The following ARHGAP8 variants were observed in gnomAD, a reference collection of about 807,000 sequenced individuals.
ARHGAP8 encodes the protein rho GTPase-activating protein 8.
ARHGAP8 carries 62 observed loss-of-function variants against 46.1 expected under a neutral mutation model. That is an observed-to-expected ratio of 1.34 (90% CI 1.10 to 1.66). The LOEUF (loss-of-function observed/expected upper bound fraction) is 1.66. Among genes scored for constraint, ARHGAP8 ranks in the 40% most tolerant of loss-of-function variants. The probability of loss-of-function intolerance (pLI) is 0.00; values close to 1 mark genes in which losing one functional copy is unlikely to be tolerated. For missense variants in ARHGAP8, 923 were observed against 568.4 expected (o/e 1.62, Z -6.34); for synonymous variants, 375 against 243.1 (o/e 1.54, Z -5.05).
chr22:44,862,430 G>C lies in ARHGAP8; in HGVS notation c.1137G>C (p.Lys379Asn). ...FTELLIEYYE[K>N]IFSTPEAPGE... ...AACTGCTGATCGAGTACTATGAAAA[G>C]ATCTTCAGCACCCCGGAGGCACCTG... The change falls in exon 12 of 12, where the codon AAG becomes AAC. Residue 379 changes from lysine to asparagine, a missense_variant. Transcript: ENST00000356099. 2.5e-6 allele frequency: 4 copies of C among 1,614,146 alleles called. No individual in the cohort carries two copies. The highest frequency in any genetic ancestry group is 3.4e-6 in the Non-Finnish European group (4 of 1,180,016).
chr22:44,842,718 G>A (rs950621050), intron 7 of ARHGAP8, among the ~76,000 whole-genome samples: 2 of 152,102 alleles, frequency 1.3e-5, no homozygotes, highest in African/African-American at 2.4e-5. Context: ...GGCCACCAGG[G>A]GTGACATAGA....
intron 1 of ARHGAP8, among the ~76,000 whole-genome samples, chr22:44,780,648 C>G (rs932772453): frequency 2.6e-5 from 4 of 152,146 alleles, no homozygotes; most frequent in Non-Finnish European, 5.9e-5. Flanking sequence ...GGCAACGGAG[C>G]AAGACTCCAT....
At chr22:44,822,593 G>C (rs1476065580) in intron 6 of ARHGAP8, 124 bp downstream of exon 6, 7 of 844,664 alleles carry the variant, frequency 8.3e-6, no homozygotes, top group Non-Finnish European at 1.2e-5. Context: ...ATTTGGCTCA[G>C]AAATCTGCGG....
At chr22:44,844,313 ATAAT>A (rs1415275268) in intron 7 of ARHGAP8, among the ~76,000 whole-genome samples, 1 of 152,214 alleles carries the variant, frequency 6.6e-6, no homozygotes, top group African/African-American at 2.4e-5. Context: ...GTCCTAAAAA[ATAAT>A]TAGCCAGCAA....
intron 4 of ARHGAP8, among the ~76,000 whole-genome samples, chr22:44,813,735 CTACACACACCTACA>C (rs898581444): frequency 4.7e-5 from 6 of 128,566 alleles, no homozygotes; most frequent in African/African-American, 1.7e-4. Context: ...ACACTTACAC[CTACACACACCTACA>C]TACACACCTA....
At chr22:44,794,501 G>T (rs1224380823) in intron 2 of ARHGAP8, among the ~76,000 whole-genome samples, 5 of 152,016 alleles carry the variant, frequency 3.3e-5, no homozygotes, top group African/African-American at 4.8e-5. Context: ...ATGAAGTCAG[G>T]AGTTCGAGAC....
At chr22:44,855,580 G>C (rs5766114) in intron 10 of ARHGAP8, among the ~76,000 whole-genome samples, 29,709 of 152,084 alleles carry the variant, frequency 0.2, 3,228 homozygotes, top group East Asian at 0.44. Context: ...TTTTTCTTTG[G>C]CCAGTTTGTT....
chr22:44,817,165 G>A (rs1290750360), intron 5 of ARHGAP8, among the ~76,000 whole-genome samples: 2 of 152,190 alleles, frequency 1.3e-5, no homozygotes, highest in Non-Finnish European at 2.9e-5. Flanking sequence ...GGGATTACAG[G>A]CGTGAGCCAC....
chr22:44,824,711 C>A (rs1930389315), intron 6 of ARHGAP8, among the ~76,000 whole-genome samples: 1 of 150,088 alleles, frequency 6.7e-6, no homozygotes, highest in Non-Finnish European at 1.5e-5. Flanking sequence ...CGGCTCTCTG[C>A]AACCTCCACC....
intron 2 of ARHGAP8, 38 bp downstream of exon 2, chr22:44,786,644 A>T: frequency 6.3e-7 from 1 of 1,591,434 alleles, no homozygotes; most frequent in South Asian, 1.1e-5. Context: ...GACCATGGGC[A>T]GAGCAGCCTT....
chr22:44,861,355 TGTG>T (rs2070473260), intron 11 of ARHGAP8, among the ~76,000 whole-genome samples: 1 of 152,058 alleles, frequency 6.6e-6, no homozygotes, highest in African/African-American at 2.4e-5. Flanking sequence ...CCTGGTGGGG[TGTG>T]GTGTTGCGTG....
Position 44,826,433 on chromosome 22 carries a change from T to G in ARHGAP8, c.596+840T>G, listed in dbSNP as rs557299748. ...TTATTCCTGTTATACTACCTTTTTT[T>G]GGGGTGGCGGGAACAGAGTCTTGCT... On this transcript the variant is annotated intron_variant, in intron 7 of 11. Coordinates refer to ENST00000356099, the MANE Select transcript of ARHGAP8 (RefSeq NM_181335.3). Among the ~76,000 whole-genome samples, 180 of 152,294 alleles carry G rather than the reference T, an allele frequency of 1.2e-3. 4 individuals are homozygous for G. In the East Asian group the frequency reaches 0.028, roughly 24 times the overall value.
intron 2 of ARHGAP8, among the ~76,000 whole-genome samples, chr22:44,794,939 G>A (rs938939732): frequency 7.3e-5 from 11 of 151,070 alleles, no homozygotes; most frequent in Non-Finnish European, 1.0e-4. Context: ...TACTTGGGAG[G>A]CTGAGAAGGG....
At chr22:44,818,450 C>CAAAAAAAAAAAAAAA (rs749292883) in intron 5 of ARHGAP8, among the ~76,000 whole-genome samples, 38 of 125,396 alleles carry the variant, frequency 3.0e-4, no homozygotes, top group African/African-American at 1.2e-3. Context: ...ACTCCAGTCT[C>CAAAAAAAAAAAAAAA]AAAAAAAAAA....
intron 10 of ARHGAP8, among the ~76,000 whole-genome samples, chr22:44,857,201 A>C (rs968752135): frequency 6.6e-6 from 1 of 150,562 alleles, no homozygotes; most frequent in Non-Finnish European, 1.5e-5. Context: ...CGGCCTCTGA[A>C]AGTGCTGGTA....
chr22:44,808,475 G>A (rs1470346193), intron 4 of ARHGAP8, 37 bp downstream of exon 4: 49 of 1,608,672 alleles, frequency 3.0e-5, no homozygotes, highest in Non-Finnish European at 4.2e-5. Flanking sequence ...GTGGGTGTGG[G>A]CTGCTTGTGG....
At chr22:44,797,175 A>G (rs1483959292) in intron 2 of ARHGAP8, among the ~76,000 whole-genome samples, 1 of 146,374 alleles carries the variant, frequency 6.8e-6, no homozygotes, top group African/African-American at 2.6e-5. Flanking sequence ...ATCCCCCAAG[A>G]CTTGCACTTG....
intron 2 of ARHGAP8, chr22:44,801,721 A>G: frequency 4.1e-6 from 1 of 241,598 alleles, no homozygotes; most frequent in South Asian, 7.3e-5. Flanking sequence ...GGGTTGGAGG[A>G]GGAGGTAGAG....
At chr22:44,833,375 A>G (rs1931091881) in intron 7 of ARHGAP8, among the ~76,000 whole-genome samples, 2 of 151,520 alleles carry the variant, frequency 1.3e-5, no homozygotes, top group South Asian at 4.2e-4. Context: ...TGGTTTGTTC[A>G]TGTAAAGGTG....
Sources: gnomAD v4.1 joint callset for allele counts (sites outside exome capture counted in the v4.1 genomes callset) on GRCh38, gnomAD v4.1.1 for gene constraint, MANE v1.5 for transcripts, NCBI Gene and HGNC (gene_info 2026-07-23, HGNC 2026-07-21) for gene names.